Variants in TAFA1 observed in about 807,000 individuals in gnomAD.
The protein encoded by TAFA1 is TAFA chemokine like family member 1, also known as chemokine-like protein TAFA-1.
TAFA1 carries 4 observed loss-of-function variants against 18.5 expected under a neutral mutation model. The observed-to-expected ratio is 0.22, with a 90% CI of 0.11 to 0.49. The LOEUF is 0.49. TAFA1 is among the 20% of genes least tolerant of loss of function. The probability of loss-of-function intolerance (pLI) is 0.98; values close to 1 mark genes in which losing one functional copy is unlikely to be tolerated. For missense variants in TAFA1, 147 were observed against 169.0 expected, an observed-to-expected ratio of 0.87 and a Z score of 0.72; for synonymous variants, 56 against 55.2, an observed-to-expected ratio of 1.01 and a Z score of -0.06.
chr3:68,127,209 G>A (rs2065474100), intron 2 of TAFA1, among the ~76,000 whole-genome samples: 1 of 152,150 alleles, frequency 6.6e-6, no homozygotes, highest in Non-Finnish European at 1.5e-5. Context: ...AAAGGAGGGG[G>A]AGGTCTGTAT....
intron 2 of TAFA1, among the ~76,000 whole-genome samples, chr3:68,390,666 C>A (rs1008726762): frequency 6.6e-6 from 1 of 152,224 alleles, no homozygotes; most frequent in Admixed American, 6.5e-5. Context: ...GAGCAGGCAG[C>A]AATCTTTGCT....
chr3:68,302,356 A>T (rs1361130424), intron 2 of TAFA1, among the ~76,000 whole-genome samples: 1 of 152,098 alleles, frequency 6.6e-6, no homozygotes, highest in Non-Finnish European at 1.5e-5. Context: ...ACATGTCCAG[A>T]ATGGCACTTC....
At chr3:68,096,255 A>C (rs2065085504) in intron 2 of TAFA1, among the ~76,000 whole-genome samples, 1 of 152,086 alleles carries the variant, frequency 6.6e-6, no homozygotes, top group African/African-American at 2.4e-5. Flanking sequence ...TCACATGACA[A>C]GATTTCATTC....
chr3:68,185,133 G>A (rs1312635007), intron 2 of TAFA1, among the ~76,000 whole-genome samples: 1 of 152,108 alleles, frequency 6.6e-6, no homozygotes, highest in African/African-American at 2.4e-5. Context: ...GAGATGTGTA[G>A]CCAGAGGAAC....
At chr3:68,478,023 G>A (rs2072137494) in intron 3 of TAFA1, among the ~76,000 whole-genome samples, 1 of 152,158 alleles carries the variant, frequency 6.6e-6, no homozygotes, top group African/African-American at 2.4e-5. Context: ...AGCAGAAAAG[G>A]GGAAAGTGTT....
At chr3:68,334,964 G>A (rs2068945887) in intron 2 of TAFA1, among the ~76,000 whole-genome samples, 1 of 152,152 alleles carries the variant, frequency 6.6e-6, no homozygotes, top group Non-Finnish European at 1.5e-5. Flanking sequence ...CTAACTTCAA[G>A]GGAATAAAGA....
chr3:68,127,969 G>A (rs530676496), intron 2 of TAFA1, among the ~76,000 whole-genome samples: 5 of 151,958 alleles, frequency 3.3e-5, no homozygotes, highest in Non-Finnish European at 5.9e-5. Flanking sequence ...AGTGGTGATG[G>A]TGGTGGTGAT....
intron 2 of TAFA1, among the ~76,000 whole-genome samples, chr3:68,286,286 A>G (rs1197462247): frequency 1.3e-5 from 2 of 152,044 alleles, no homozygotes; most frequent in African/African-American, 4.8e-5. Flanking sequence ...ATAGACCAGT[A>G]TTAGGTGAGC....
chr3:68,141,413 C>G (rs6549019), intron 2 of TAFA1, among the ~76,000 whole-genome samples: 3 of 151,840 alleles, frequency 2.0e-5, no homozygotes, highest in Non-Finnish European at 4.4e-5. Context: ...GTAGACAAAC[C>G]CTTTATTAAG....
intron 2 of TAFA1, among the ~76,000 whole-genome samples, chr3:68,350,482 A>G (rs2069247025): frequency 6.6e-6 from 1 of 152,104 alleles, no homozygotes; most frequent in Non-Finnish European, 1.5e-5. Context: ...TTAGATTAGA[A>G]CTACAGATAC....
intron 3 of TAFA1, among the ~76,000 whole-genome samples, chr3:68,496,170 T>G (rs1026884398): frequency 1.7e-4 from 26 of 152,106 alleles, no homozygotes; most frequent in African/African-American, 6.0e-4. Context: ...TTAACGAGAA[T>G]CAGTTGTAAA....
At chr3:68,484,350 G>A (rs967783525) in intron 3 of TAFA1, among the ~76,000 whole-genome samples, 2 of 152,170 alleles carry the variant, frequency 1.3e-5, no homozygotes, top group Admixed American at 1.3e-4. Context: ...AATATCTAGA[G>A]CAAGAGTGGA....
intron 2 of TAFA1, among the ~76,000 whole-genome samples, chr3:68,393,153 GA>G (rs1240507022): frequency 2.0e-5 from 3 of 150,486 alleles, no homozygotes; most frequent in South Asian, 4.2e-4. Flanking sequence ...CACACACAGA[GA>G]AAAAAAAGAT....
chr3:68,289,613 T>C (rs771249387), intron 2 of TAFA1, among the ~76,000 whole-genome samples: 1 of 146,184 alleles, frequency 6.8e-6, no homozygotes, highest in Non-Finnish European at 1.5e-5. Context: ...AATGTTCTGC[T>C]GCACTACTCC....
At chr3:68,466,658 T>G (rs2071890603) in intron 3 of TAFA1, among the ~76,000 whole-genome samples, 1 of 152,120 alleles carries the variant, frequency 6.6e-6, no homozygotes, top group Non-Finnish European at 1.5e-5. Context: ...TGATAAACAC[T>G]GTTTTCAAGT....
intron 2 of TAFA1, among the ~76,000 whole-genome samples, chr3:68,364,375 T>G (rs535400047): frequency 5.3e-5 from 8 of 152,272 alleles, no homozygotes; most frequent in African/African-American, 7.2e-5. Context: ...TGGCAGTTAT[T>G]ATTTACACTC....
At chr3:68,312,706 C>T (rs2068540677) in intron 2 of TAFA1, among the ~76,000 whole-genome samples, 1 of 152,150 alleles carries the variant, frequency 6.6e-6, no homozygotes, top group African/African-American at 2.4e-5. Context: ...CCCACATTTT[C>T]CTGTCTTATT....
At chr3:68,319,866 C>A (rs941471116) in intron 2 of TAFA1, among the ~76,000 whole-genome samples, 8 of 152,082 alleles carry the variant, frequency 5.3e-5, no homozygotes, top group Admixed American at 3.3e-4. Context: ...TCATACTGAG[C>A]TATTTAAATT....
intron 2 of TAFA1, among the ~76,000 whole-genome samples, chr3:68,307,688 A>C (rs1023374961): frequency 6.6e-6 from 1 of 152,136 alleles, no homozygotes; most frequent in African/African-American, 2.4e-5. Context: ...CACTTGAAAA[A>C]ACTGGAGATT....
Sources: gnomAD v4.1 joint callset for allele counts (sites outside exome capture counted in the v4.1 genomes callset) on GRCh38, gnomAD v4.1.1 for gene constraint, MANE v1.5 for transcripts, NCBI Gene and HGNC (gene_info 2026-07-23, HGNC 2026-07-21) for gene names.